The following CASQ2 variants were observed in gnomAD, a reference collection of about 807,000 sequenced individuals.
CASQ2 encodes the protein calsequestrin 2.
In CASQ2, 49 loss-of-function variants were observed where a neutral mutation model predicts 46.5. That is an observed-to-expected ratio of 1.05 (90% CI 0.84 to 1.34). The LOEUF is 1.34. CASQ2 is among the 40% of genes most tolerant of loss of function. The pLI is 0.00. For synonymous variants in CASQ2, 174 were observed against 168.5 expected, an observed-to-expected ratio of 1.03 and a Z score of -0.25; for missense variants, 486 against 481.3, an observed-to-expected ratio of 1.01 and a Z score of -0.09.
At chr1:115,703,923 A>C (rs200740336) in intron 9 of CASQ2, among the ~76,000 whole-genome samples, 59 of 148,664 alleles carry the variant, frequency 4.0e-4, no homozygotes, top group African/African-American at 8.0e-4. Context: ...AAAAAAAAAA[A>C]CAAAAAAAAA....
At chr1:115,720,156 C>T (rs560340435) in intron 7 of CASQ2, among the ~76,000 whole-genome samples, 16 of 152,252 alleles carry the variant, frequency 1.1e-4, no homozygotes, top group African/African-American at 3.9e-4. Context: ...TTGGTTTATT[C>T]GGGCTGCTAT....
chr1:115,729,035 CTTTTTTTTTTTTTT>C (rs753965730), intron 5 of CASQ2, among the ~76,000 whole-genome samples: 1 of 68,834 alleles, frequency 1.5e-5, no homozygotes, highest in East Asian at 4.3e-4. Flanking sequence ...CTCTTTCATT[CTTTTTTTTTTTTTT>C]TTTTTTTTTT....
chr1:115,712,708 T>G (rs1345396303), intron 8 of CASQ2, among the ~76,000 whole-genome samples: 3 of 151,928 alleles, frequency 2.0e-5, no homozygotes, highest in African/African-American at 7.3e-5. Context: ...ATACAAAACT[T>G]AGCCAGGTGT....
At chr1:115,758,077 C>T (rs1648822369) in intron 1 of CASQ2, among the ~76,000 whole-genome samples, 1 of 152,196 alleles carries the variant, frequency 6.6e-6, no homozygotes. Flanking sequence ...AGACATCTGT[C>T]CCTTCATAAG....
chr1:115,717,170 G>A (rs1654727461), intron 8 of CASQ2, among the ~76,000 whole-genome samples: 1 of 152,156 alleles, frequency 6.6e-6, no homozygotes, highest in Non-Finnish European at 1.5e-5. Flanking sequence ...CCTGTTTCCT[G>A]TACAACCTGA....
chr1:115,743,442 C>G (rs1648265614), intron 2 of CASQ2, among the ~76,000 whole-genome samples: 1 of 152,106 alleles, frequency 6.6e-6, no homozygotes, highest in Non-Finnish European at 1.5e-5. Flanking sequence ...TGAGGTTTTT[C>G]TATGTTGCCC....
chr1:115,723,683 G>A (rs569862206), intron 7 of CASQ2, among the ~76,000 whole-genome samples: 3 of 151,866 alleles, frequency 2.0e-5, no homozygotes, highest in Admixed American at 6.6e-5. Flanking sequence ...GACTACAGGC[G>A]CCTGCCACCA....
intron 1 of CASQ2, among the ~76,000 whole-genome samples, chr1:115,762,998 T>G (rs976436575): frequency 2.0e-5 from 3 of 152,192 alleles, no homozygotes; most frequent in Non-Finnish European, 4.4e-5. Flanking sequence ...CCAGTGCATT[T>G]ATTTAGTTGT....
chr1:115,708,132 G>A (rs888085729), intron 8 of CASQ2, among the ~76,000 whole-genome samples: 1 of 152,214 alleles, frequency 6.6e-6, no homozygotes, highest in African/African-American at 2.4e-5. Flanking sequence ...AAACTGAACT[G>A]TGCAAGAAAA....
rs1371486220 is a variant in CASQ2, at chr1:115,742,432, G to A, written c.320-1604C>T. 4.6e-5 allele frequency among the ~76,000 whole-genome samples: 7 copies of A among 152,118 alleles called. No individual in the cohort carries two copies. In the East Asian group the frequency reaches 5.8e-4, roughly 13 times the overall value. ...ACAACTTGATAGAGGCCAAAATAAG[G>A]CAAATGGAAAAGAAATGAAGATGAA... On this transcript the variant is annotated intron_variant, in intron 2 of 10. Coordinates refer to ENST00000261448, the MANE Select transcript of CASQ2 (RefSeq NM_001232.4).
Position 115,708,693 on chromosome 1 carries a change from C to G in CASQ2, c.839-3401G>C, listed in dbSNP as rs1052755161. ...TTTAGCCATTATTTTACTTAAATTA[C>G]CTGACATTCTATATTCAAAGGCAAG... On this transcript the variant is annotated intron_variant, in intron 8 of 10. Transcript: ENST00000261448. Among the ~76,000 whole-genome samples, 3 of 152,344 alleles carry G rather than the reference C, an allele frequency of 2.0e-5. No individual in the cohort carries two copies. The East Asian group carries it at 5.8e-4, about 29-fold the overall frequency.
At position 115,740,777 on chromosome 1, in the gene CASQ2, T is replaced by A; in HGVS notation, c.371A>T (p.Glu124Val). ...LYILKGDRTI[E>V]FDGEFAADVL... Reference sequence around the variant, plus strand: ...ATCAGCTGCAAACTCGCCATCAAACTCTATTGTGCGATCACCCTTAAGAAT... The same window carrying A: ...ATCAGCTGCAAACTCGCCATCAAACACTATTGTGCGATCACCCTTAAGAAT... Residue 124 changes from glutamate to valine, a missense_variant, in exon 3 of 11, where the codon GAG becomes GTG. Coordinates refer to ENST00000261448, the MANE Select transcript of CASQ2 (RefSeq NM_001232.4). The A allele has an allele frequency of 6.2e-7, 1 of 1,613,770 alleles. No homozygotes were observed. The highest frequency in any genetic ancestry group is 8.5e-7 in the Non-Finnish European group (1 of 1,179,816).
chr1:115,716,032 C>A (rs1422857360), intron 8 of CASQ2, among the ~76,000 whole-genome samples: 2 of 152,220 alleles, frequency 1.3e-5, no homozygotes, highest in Non-Finnish European at 2.9e-5. Flanking sequence ...TCTAGTGGAA[C>A]CATCTCTAGA....
At chr1:115,740,338 C>T (rs1648133773) in intron 3 of CASQ2, among the ~76,000 whole-genome samples, 1 of 152,156 alleles carries the variant, frequency 6.6e-6, no homozygotes, top group African/African-American at 2.4e-5. Context: ...GGGTGGCTAA[C>T]TCAGGGTGAC....
At chr1:115,741,693 G>A (rs1648184020) in intron 2 of CASQ2, among the ~76,000 whole-genome samples, 1 of 152,138 alleles carries the variant, frequency 6.6e-6, no homozygotes, top group South Asian at 2.1e-4. Flanking sequence ...GCAAGGACAG[G>A]CTCAGCGTCT....
intron 9 of CASQ2, among the ~76,000 whole-genome samples, chr1:115,704,824 G>A (rs1557784826): frequency 6.6e-6 from 1 of 152,186 alleles, no homozygotes. Context: ...TTATTACTTA[G>A]TAATTCAGGT....
chr1:115,742,197 T>C (rs1570836478), intron 2 of CASQ2, among the ~76,000 whole-genome samples: 1 of 151,322 alleles, frequency 6.6e-6, no homozygotes, highest in Non-Finnish European at 1.5e-5. Flanking sequence ...TATAAGTATA[T>C]ATGAAAAATT....
At chr1:115,746,167 T>A (rs1648382879) in intron 1 of CASQ2, among the ~76,000 whole-genome samples, 1 of 151,926 alleles carries the variant, frequency 6.6e-6, no homozygotes, top group Non-Finnish European at 1.5e-5. Flanking sequence ...CGCTGTTTTT[T>A]TTTTTATTGC....
At chr1:115,727,253 T>G in intron 5 of CASQ2, 131 bp from the exon 6 acceptor site, 1 of 714,404 alleles carries the variant, frequency 1.4e-6, no homozygotes, top group South Asian at 1.5e-5. Context: ...TTAACTTCAA[T>G]GTTGAAGTGA....
Sources: gnomAD v4.1 joint callset for allele counts (sites outside exome capture counted in the v4.1 genomes callset) on GRCh38, gnomAD v4.1.1 for gene constraint, MANE v1.5 for transcripts, NCBI Gene and HGNC (gene_info 2026-07-23, HGNC 2026-07-21) for gene names.